SPECC1L: variants seen among roughly 807,000 people sequenced by gnomAD.
SPECC1L encodes sperm antigen with calponin homology and coiled-coil domains 1 like, also known as cytospin-A.
SPECC1L carries 40 observed loss-of-function variants against 116.8 expected under a neutral mutation model. The ratio of observed to expected loss-of-function variants is 0.34; its 90% CI spans 0.27 to 0.45. The LOEUF is 0.45. Ranked by LOEUF, SPECC1L falls within the 20% of genes least tolerant of loss-of-function variation. SPECC1L has a pLI of 1.00. For missense variants in SPECC1L, 1,110 were observed against 1,373.6 expected (o/e 0.81, Z 3.03); for synonymous variants, 504 against 500.6 (o/e 1.01, Z -0.09).
chr22:24,330,547 C>G (rs1277932917), intron 8 of SPECC1L, 116 bp downstream of exon 8: 15 of 1,134,408 alleles, frequency 1.3e-5, no homozygotes, highest in African/African-American at 6.2e-5. Context: ...GAGTTTGGAT[C>G]TGATGGAAGT....
At position 24,338,399 on chromosome 22, in the gene SPECC1L, T is replaced by C. The variant is rs542679055; in HGVS notation, c.2574T>C (p.Ala858=). ...FDSASQVPNP[A]AAAIPRTPLS... ...TTGTTTTTGTAGTACCAAACCCTGC[T>C]GCAGCTGCAATTCCTCGAACGCCCC... Residue 858 remains alanine, a synonymous_variant, in exon 10 of 17, where the codon GCT becomes GCC. Coordinates refer to ENST00000314328, the MANE Select transcript of SPECC1L (RefSeq NM_015330.6). 1.9e-6 allele frequency: 3 copies of C among 1,614,076 alleles called. No homozygotes were observed. The highest frequency in any genetic ancestry group is 4.5e-5 in the East Asian group (2 of 44,866).
rs142603247 is a variant in SPECC1L, at chr22:24,329,205, A to G, written c.2220+286A>G. 2.6e-3 allele frequency among the ~76,000 whole-genome samples: 402 copies of G among 152,322 alleles called. 2 individuals carry two copies. The highest frequency in any genetic ancestry group is 9.0e-3 in the African/African-American group (374 of 41,572). On this transcript the variant is annotated intron_variant, in intron 7 of 16. Coordinates refer to ENST00000314328, the MANE Select transcript of SPECC1L (RefSeq NM_015330.6). Reference sequence around the variant, plus strand: ...AGTGATGGCATGATACTCAAAGGAAATGCTTATTGGAGCATTTTGGATTTC... The same window carrying G: ...AGTGATGGCATGATACTCAAAGGAAGTGCTTATTGGAGCATTTTGGATTTC...
At chr22:24,368,238 T>TA (rs1479335852) in intron 13 of SPECC1L, among the ~76,000 whole-genome samples, 1 of 152,218 alleles carries the variant, frequency 6.6e-6, no homozygotes, top group Non-Finnish European at 1.5e-5. Flanking sequence ...TGGTTTTACT[T>TA]ACTATCATAT....
At chr22:24,294,287 G>A (rs1197109827) in intron 2 of SPECC1L, among the ~76,000 whole-genome samples, 1 of 139,954 alleles carries the variant, frequency 7.1e-6, no homozygotes, top group Non-Finnish European at 1.5e-5. Context: ...TTTTAAAGTA[G>A]GTTCATAAAG....
At position 24,314,469 on chromosome 22, in the gene SPECC1L, A is replaced by G. The variant is rs535852884; in HGVS notation, c.307+1003A>G. Among the ~76,000 whole-genome samples, 6 of 152,326 alleles carry G rather than the reference A, an allele frequency of 3.9e-5. No homozygotes were observed. The South Asian group carries it at 1.2e-3, about 32-fold the overall frequency. ...ATTTAAATTTCCAACAGTCTTATAAATATTTTTGTTTTATTTACTGTCTAT... is the reference window on the plus strand; with the variant it reads ...ATTTAAATTTCCAACAGTCTTATAAGTATTTTTGTTTTATTTACTGTCTAT... On this transcript the variant is annotated intron_variant, in intron 4 of 16. Transcript: ENST00000314328.
intron 14 of SPECC1L, among the ~76,000 whole-genome samples, chr22:24,385,069 A>G (rs2146709595): frequency 6.6e-6 from 1 of 151,930 alleles, no homozygotes; most frequent in Admixed American, 6.6e-5. Flanking sequence ...TCTCAAAAAA[A>G]AAAAAAAGAA....
intron 14 of SPECC1L, among the ~76,000 whole-genome samples, chr22:24,373,147 C>T (rs1347449829): frequency 6.6e-6 from 1 of 152,148 alleles, no homozygotes; most frequent in African/African-American, 2.4e-5. Context: ...AATGGAAGAA[C>T]GTTCCATGCT....
At chr22:24,280,412 T>C (rs1334505211) in intron 2 of SPECC1L, among the ~76,000 whole-genome samples, 6 of 151,290 alleles carry the variant, frequency 4.0e-5, no homozygotes, top group Non-Finnish European at 7.4e-5. Context: ...AGAAGGCATA[T>C]AATAAATTAG....
intron 14 of SPECC1L, among the ~76,000 whole-genome samples, chr22:24,410,989 C>T (rs2042685290): frequency 6.6e-6 from 1 of 151,984 alleles, no homozygotes; most frequent in Non-Finnish European, 1.5e-5. Context: ...GAGATTGAGA[C>T]CATCCTAGCT....
At chr22:24,408,673 T>G (rs749573227) in intron 14 of SPECC1L, among the ~76,000 whole-genome samples, 12 of 152,332 alleles carry the variant, frequency 7.9e-5, no homozygotes, top group Non-Finnish European at 1.6e-4. Context: ...TATCTCTGGG[T>G]CATATCAGAG....
chr22:24,411,496 A>T, intron 14 of SPECC1L, 92 bp from the exon 15 acceptor site: 1 of 1,157,848 alleles, frequency 8.6e-7, no homozygotes. Context: ...TTTGGAGGCC[A>T]TGCAGCATCT....
rs1569426490 is a variant in SPECC1L, at chr22:24,339,035, A to G, written c.2652+558A>G. Among the ~76,000 whole-genome samples the G allele has an allele frequency of 2.0e-5, 3 of 152,352 alleles. No individual in the cohort carries two copies. The East Asian group carries it at 5.8e-4, about 29-fold the overall frequency. On this transcript the variant is annotated intron_variant, in intron 10 of 16. Coordinates refer to ENST00000314328, the MANE Select transcript of SPECC1L (RefSeq NM_015330.6). Reference sequence around the variant, plus strand: ...AGTGGCTTGAAAGAACAGTTTTGTTAGTTTTCACATTTCTCTGAGTTGACT... The same window carrying G: ...AGTGGCTTGAAAGAACAGTTTTGTTGGTTTTCACATTTCTCTGAGTTGACT...
At chr22:24,311,477 G>C (rs188758433) in intron 3 of SPECC1L, among the ~76,000 whole-genome samples, 3 of 152,282 alleles carry the variant, frequency 2.0e-5, no homozygotes, top group Admixed American at 1.3e-4. Context: ...CATCATAGTT[G>C]ATGGCCAGTT....
rs376889231 is a variant in SPECC1L, at chr22:24,331,268, A to C, written c.2396+837A>C. 5.9e-5 allele frequency among the ~76,000 whole-genome samples: 9 copies of C among 152,326 alleles called. No homozygotes were observed. The East Asian group carries it at 1.7e-3, about 29-fold the overall frequency. On this transcript the variant is annotated intron_variant, in intron 8 of 16. Transcript: ENST00000314328. ...TAAGTGGGCATAGGAAGAAATTTAG[A>C]AAACTAACAGTATATCTTTAAAAAA...
chr22:24,276,530 G>A (rs1175859437), intron 1 of SPECC1L, among the ~76,000 whole-genome samples, 170 bp from the exon 2 acceptor site: 1 of 152,238 alleles, frequency 6.6e-6, no homozygotes, highest in African/African-American at 2.4e-5. Flanking sequence ...CTTTTCAGGA[G>A]GCTGAAGTGG....
intron 14 of SPECC1L, among the ~76,000 whole-genome samples, chr22:24,373,303 G>A (rs1327521504): frequency 6.6e-6 from 1 of 152,040 alleles, no homozygotes; most frequent in Non-Finnish European, 1.5e-5. Flanking sequence ...ACCAAAAAAG[G>A]CCTGCATTGC....
intron 2 of SPECC1L, among the ~76,000 whole-genome samples, chr22:24,301,497 G>A (rs1406131597): frequency 1.3e-5 from 2 of 152,036 alleles, no homozygotes; most frequent in African/African-American, 4.8e-5. Flanking sequence ...AAACATGGTC[G>A]GAACACTTAA....
Position 24,322,568 on chromosome 22 carries a change from G to T in SPECC1L, c.1588G>T (p.Ala530Ser). 6.2e-7 allele frequency: 1 copy of T among 1,614,204 alleles called. No homozygotes were observed. Among genetic ancestry groups the T allele is most frequent in the Non-Finnish European group, 8.5e-7 (1 of 1,180,036 alleles). Residue 530 changes from alanine to serine, a missense_variant, in exon 5 of 17, where the codon GCT becomes TCT. Coordinates refer to ENST00000314328, the MANE Select transcript of SPECC1L (RefSeq NM_015330.6). Reference protein sequence around the residue: ...LKMAEQDNKEAQEMIGALKER... With the variant: ...LKMAEQDNKESQEMIGALKER... ...AATGGCAGAACAAGACAATAAGGAA[G>T]CTCAAGAAATGATAGGGGCACTCAA...
chr22:24,281,943 T>C (rs891410498), intron 2 of SPECC1L, among the ~76,000 whole-genome samples: 27 of 152,218 alleles, frequency 1.8e-4, no homozygotes, highest in African/African-American at 6.0e-4. Context: ...GGTGGGAGAC[T>C]GGAGTTTTAT....
Sources: allele counts gnomAD v4.1 joint callset (sites outside exome capture counted in the v4.1 genomes callset), GRCh38; gene constraint gnomAD v4.1.1; transcripts MANE v1.5; gene names NCBI Gene and HGNC (gene_info 2026-07-23, HGNC 2026-07-21).